The following NSD3 variants were observed in gnomAD, a reference collection of about 807,000 sequenced individuals.
NSD3 encodes histone-lysine N-methyltransferase NSD3.
In NSD3, 24 loss-of-function variants were observed where a neutral mutation model predicts 160.8. The observed-to-expected ratio is 0.15, with a 90% CI of 0.11 to 0.21. The LOEUF is 0.21. Among genes scored for constraint, NSD3 ranks in the 10% least tolerant of loss-of-function variants. The pLI is 1.00. For missense variants in NSD3, 1,157 were observed against 1,735.9 expected (o/e 0.67, Z 5.93); for synonymous variants, 520 against 600.0 (o/e 0.87, Z 1.95).
At chr8:38,340,444 TCTC>T (rs1245263642) in intron 2 of NSD3, among the ~76,000 whole-genome samples, 8 of 152,284 alleles carry the variant, frequency 5.3e-5, no homozygotes, top group African/African-American at 1.9e-4. Flanking sequence ...TTCAAGTGGT[TCTC>T]CTCCTTTAGC....
intron 5 of NSD3, among the ~76,000 whole-genome samples, chr8:38,330,283 A>G (rs1218567353): frequency 1.3e-5 from 2 of 152,196 alleles, no homozygotes; most frequent in African/African-American, 4.8e-5. Flanking sequence ...TCTCTCCCAT[A>G]TCTCGGGCAG....
chr8:38,298,963 TAAG>T (rs1434766085), intron 15 of NSD3, among the ~76,000 whole-genome samples: 1 of 152,184 alleles, frequency 6.6e-6, no homozygotes, highest in Non-Finnish European at 1.5e-5. Flanking sequence ...ACCAAACATT[TAAG>T]AAGCCCAATG....
chr8:38,367,063 C>T (rs1191704022), intron 1 of NSD3, among the ~76,000 whole-genome samples: 4 of 152,120 alleles, frequency 2.6e-5, no homozygotes, highest in Non-Finnish European at 4.4e-5. Context: ...AAAGAAGTCA[C>T]ATAAGAGGAA....
intron 2 of NSD3, among the ~76,000 whole-genome samples, chr8:38,344,892 T>C (rs953236004): frequency 1.3e-5 from 2 of 152,170 alleles, no homozygotes; most frequent in Non-Finnish European, 2.9e-5. Flanking sequence ...CCAGTAGGCA[T>C]AGGGTATTGA....
intron 1 of NSD3, among the ~76,000 whole-genome samples, chr8:38,352,075 A>G (rs931928088): frequency 6.6e-5 from 10 of 152,112 alleles, no homozygotes; most frequent in Non-Finnish European, 1.5e-4. Flanking sequence ...TGTTAATAAC[A>G]GAATCATTAA....
At position 38,316,956 on chromosome 8, in the gene NSD3, G is replaced by A. The variant is rs1809681498; in HGVS notation, c.1856-914C>T. On this transcript the variant is annotated intron_variant, in intron 9 of 23. Coordinates refer to ENST00000317025, the MANE Select transcript of NSD3 (RefSeq NM_023034.2). This position sits in a 1 kb window ranked among gnomAD's most constrained non-coding sequence, Gnocchi z 4.5. The stretch of plus-strand genomic sequence containing the variant: ...GCAGATCAGGCACGGTGAATACCAA[G>A]GAACCAAGGAGACGGTTAATATTTC... 2 of 1,060,898 alleles carry A rather than the reference G, an allele frequency of 1.9e-6. No homozygotes were observed. The highest frequency in any genetic ancestry group is 1.0e-4 in the East Asian group (2 of 19,512). 65.7% of individuals were successfully genotyped at this position (1,060,898 alleles called of 1,614,324 possible).
Position 38,279,687 on chromosome 8 carries a change from GAAAGA to G in NSD3, c.3619-11_3619-7del, listed in dbSNP as rs1395162257. 4 of 1,608,740 alleles carry G rather than the reference GAAAGA, an allele frequency of 2.5e-6. No homozygotes were observed. The South Asian group carries it at 4.4e-5, about 18-fold the overall frequency. On this transcript the variant is annotated splice_region_variant and splice_polypyrimidine_tract_variant and intron_variant, in intron 20 of 23. Coordinates refer to ENST00000317025, the MANE Select transcript of NSD3 (RefSeq NM_023034.2). ...CCGGCATCAATTATACGGTCCTTCA[GAAAGA>G]AAAGAAAAGTACCTTTTACATAAAT...
At chr8:38,342,886 A>G (rs1810412378) in intron 2 of NSD3, among the ~76,000 whole-genome samples, 1 of 151,776 alleles carries the variant, frequency 6.6e-6, no homozygotes, top group East Asian at 2.0e-4. Context: ...AACCCAAGAC[A>G]TTCATTAAGA....
intron 12 of NSD3, among the ~76,000 whole-genome samples, chr8:38,307,838 A>C (rs1166388113): frequency 6.6e-6 from 1 of 152,236 alleles, no homozygotes; most frequent in Non-Finnish European, 1.5e-5. Context: ...TAATATTTTC[A>C]AAACAATGTG....
Position 38,276,397 on chromosome 8 carries a change from C to G in NSD3, c.3971G>C (p.Cys1324Ser), listed in dbSNP as rs776499493. ...TEPKQMHEDY[C>S]FQCGDGGELV... The stretch of plus-strand genomic sequence containing the variant: ...CTCTCCACCATCTCCACATTGAAAA[C>G]AGTAATCTTCATGCATCTGCTTTGG... The change falls in exon 23 of 24, where the codon TGT becomes TCT. Residue 1324 changes from cysteine (C) to serine (S), a missense_variant. By Grantham distance (112) the Cys-to-Ser change is moderately radical (BLOSUM62 -1). This residue lies in a region of NSD3 where 222 missense variants were observed against 409.9 expected (regional missense o/e 0.54). Transcript: ENST00000317025. 1 of 1,614,232 alleles carries G rather than the reference C, an allele frequency of 6.2e-7. No homozygotes were observed. Among genetic ancestry groups the G allele is most frequent in the Non-Finnish European group, 8.5e-7 (1 of 1,180,036 alleles).
rs1439722285 is a variant in NSD3, at chr8:38,271,116, A to T, written c.*4525T>A. On this transcript the variant is annotated 3_prime_UTR_variant, in exon 24 of 24. Coordinates refer to ENST00000317025, the MANE Select transcript of NSD3 (RefSeq NM_023034.2). ...GTATTTGTAAAAATGCTGGTATCTC[A>T]TGCAGGAGTCTCTTCCTCAAATGTG... is the stretch of plus-strand genomic sequence containing the variant. The T allele has an allele frequency of 6.6e-6, 1 of 152,174 alleles. No homozygotes were observed. Among genetic ancestry groups the T allele is most frequent in the African/African-American group, 2.4e-5 (1 of 41,458 alleles). The allele number at this position is 152,174 out of a possible 1,614,324, so 9.4% of individuals were successfully genotyped here.
intron 1 of NSD3, among the ~76,000 whole-genome samples, chr8:38,366,418 C>CTTTTTTTTTTTT (rs374656504): frequency 1.1e-4 from 14 of 132,184 alleles, no homozygotes; most frequent in East Asian, 2.3e-4. Context: ...CTACTTAATT[C>CTTTTTTTTTTTT]TTTTTTTTTT....
In NSD3 at chr8:38,271,670, C is replaced by G. The variant is rs918053522; in HGVS notation, c.*3971G>C. 1 of 152,234 alleles carries G rather than the reference C, an allele frequency of 6.6e-6. No individual in the cohort carries two copies. Among genetic ancestry groups the G allele is most frequent in the African/African-American group, 2.4e-5 (1 of 41,450 alleles). The allele number at this position is 152,234 out of a possible 1,614,324, so 9.4% of individuals were successfully genotyped here. ...ATTCATCAATTCATGTCTGCACCAACTTGGACAACTGGGGGAGGCTGGATG... is the reference window on the plus strand; with the variant it reads ...ATTCATCAATTCATGTCTGCACCAAGTTGGACAACTGGGGGAGGCTGGATG... On this transcript the variant is annotated 3_prime_UTR_variant, in exon 24 of 24. Transcript: ENST00000317025.
chr8:38,372,572 T>C (rs1811275190), intron 1 of NSD3, among the ~76,000 whole-genome samples: 1 of 150,728 alleles, frequency 6.6e-6, no homozygotes, highest in African/African-American at 2.4e-5. Context: ...TCTCGGCTCA[T>C]TGCAACCTCC....
chr8:38,377,075 C>T (rs535100403), intron 1 of NSD3, among the ~76,000 whole-genome samples: 25 of 152,102 alleles, frequency 1.6e-4, no homozygotes, highest in Non-Finnish European at 3.5e-4. Flanking sequence ...GTTTTTGAGA[C>T]GGAGTCTCGC....
In NSD3 at chr8:38,316,321, C is replaced by A; in HGVS notation, c.1856-279G>T. ...AGAGCCCACGTTCCAACCTAAAAAT[C>A]AATTCTATGAAAATTGCAGGATAGC... On this transcript the variant is annotated intron_variant, in intron 9 of 23. Coordinates refer to ENST00000317025, the MANE Select transcript of NSD3 (RefSeq NM_023034.2). This position sits in a 1 kb window ranked among gnomAD's most constrained non-coding sequence, Gnocchi z 4.5. The A allele has an allele frequency of 9.4e-7, 1 of 1,062,458 alleles. No homozygotes were observed. Among genetic ancestry groups the A allele is most frequent in the Non-Finnish European group, 1.2e-6 (1 of 855,982 alleles). 65.8% of individuals were successfully genotyped at this position (1,062,458 alleles called of 1,614,324 possible).
intron 15 of NSD3, among the ~76,000 whole-genome samples, chr8:38,296,210 T>C (rs1802747149): frequency 1.3e-5 from 2 of 152,160 alleles, no homozygotes; most frequent in Admixed American, 1.3e-4. Flanking sequence ...TCCTTTAAAC[T>C]ATGGGCTACT....
chr8:38,376,512 T>C (rs373894098), intron 1 of NSD3, among the ~76,000 whole-genome samples: 11 of 152,166 alleles, frequency 7.2e-5, no homozygotes, highest in African/African-American at 2.2e-4. Context: ...CTCAGCTCAC[T>C]GCAACCTCTG....
rs1370214649 is a variant in NSD3, at chr8:38,318,375, T to C, written c.1855+520A>G. Among the ~76,000 whole-genome samples the C allele has an allele frequency of 6.6e-6, 1 of 152,238 alleles. No homozygotes were observed. The highest frequency in any genetic ancestry group is 1.9e-4 in the East Asian group (1 of 5,206). On this transcript the variant is annotated intron_variant, in intron 9 of 23. Coordinates refer to ENST00000317025, the MANE Select transcript of NSD3 (RefSeq NM_023034.2). This position sits in a 1 kb window ranked among gnomAD's most constrained non-coding sequence, Gnocchi z 5.3. Reference sequence around the variant, plus strand: ...TATAAGTTTAAGCTTTCTTAAACTTTGTGCATATCTCAAATAGATTCGCAT... The same window carrying C: ...TATAAGTTTAAGCTTTCTTAAACTTCGTGCATATCTCAAATAGATTCGCAT...
Sources: gnomAD v4.1 joint callset for allele counts (sites outside exome capture counted in the v4.1 genomes callset) on GRCh38, gnomAD v4.1.1 for gene constraint, gnomAD v4.1.1 regional missense constraint, Gnocchi (gnomAD v3.1) non-coding constraint, MANE v1.5 for transcripts, NCBI Gene and HGNC (gene_info 2026-07-23, HGNC 2026-07-21) for gene names.